Variants in ITGB4 observed in about 807,000 individuals in gnomAD.
ITGB4 encodes the protein integrin subunit beta 4, also known as integrin beta-4.
ITGB4 carries 159 observed loss-of-function variants against 207.6 expected under a neutral mutation model. That is an observed-to-expected ratio of 0.77 (90% CI 0.67 to 0.87). The LOEUF (loss-of-function observed/expected upper bound fraction) is 0.87. Among genes scored for constraint, ITGB4 ranks in the 40% least tolerant of loss-of-function variants. The pLI is 0.00. For synonymous variants in ITGB4, 1,020 were observed against 1,062.7 expected, an observed-to-expected ratio of 0.96 and a Z score of 0.78; for missense variants, 2,278 against 2,546.8, an observed-to-expected ratio of 0.89 and a Z score of 2.27.
At position 75,743,634 on chromosome 17, in the gene ITGB4, T is replaced by C. The variant is rs189848011; in HGVS notation, c.2963-79T>C. 9,817 of 1,598,320 alleles carry C rather than the reference T, an allele frequency of 6.1e-3. 46 individuals are homozygous for C. The highest frequency in any genetic ancestry group is 7.5e-3 in the Non-Finnish European group (8,702 of 1,166,786). ...CGGACTCCTGGATTCTGGGCTGGGC[T>C]GGGCAGGGTCACAGGAGAGCAGGAG... is the stretch of plus-strand genomic sequence containing the variant. On this transcript the variant is annotated intron_variant, in intron 25 of 39. Transcript: ENST00000200181.
chr17:75,753,766 C>T lies in ITGB4; in HGVS notation c.4110C>T (p.Gly1370=). 1 of 1,441,590 alleles carries T rather than the reference C, an allele frequency of 6.9e-7. No homozygotes were observed. The highest frequency in any genetic ancestry group is 2.8e-5 in the East Asian group (1 of 36,322). The allele number at this position is 1,441,590 out of a possible 1,614,324, so 89.3% of individuals were successfully genotyped here. A position where few individuals can be genotyped will look rare whatever the true frequency, so the allele number is the denominator to read the frequency against. ...ACGCGGCCCTTCGTTGTTCCCAAGG[C>T]TGCGGCTGGAAGTTCGAGCCCCTGC... ...SQRPSVSDDT[G]CGWKFEPLLG... is the part of the protein sequence containing the mutation. Residue 1370 remains glycine (G), a splice_region_variant and synonymous_variant, in exon 33 of 40, where the codon GGC becomes GGT. Coordinates refer to ENST00000200181, the MANE Select transcript of ITGB4 (RefSeq NM_000213.5).
intron 27 of ITGB4, among the ~76,000 whole-genome samples, chr17:75,749,819 G>A (rs180840626): frequency 1.6e-4 from 24 of 152,266 alleles, no homozygotes; most frequent in Middle Eastern, 3.4e-3. Context: ...GAGATGGGGT[G>A]GGGAGCAAAT....
At chr17:75,748,691 A>T (rs2061290684) in intron 26 of ITGB4, 150 bp from the exon 27 acceptor site, 1 of 633,384 alleles carries the variant, frequency 1.6e-6, no homozygotes, top group Non-Finnish European at 2.7e-6. Flanking sequence ...CAAACAAAAA[A>T]AACACAAAAA....
chr17:75,730,967 G>A lies in ITGB4; in HGVS notation c.1092+3G>A, dbSNP rs2060843484. The A allele has an allele frequency of 6.2e-7, 1 of 1,612,528 alleles. No homozygotes were observed. The highest frequency in any genetic ancestry group is 1.7e-5 in the Admixed American group (1 of 59,996). ...AGCTGCTGGAGGAGGCCTTCAATGT[G>A]AGGGCAGCTCAGGCTCCAGAGTCTG... On this transcript the variant is annotated splice_donor_region_variant and intron_variant, in intron 9 of 39. Transcript: ENST00000200181.
Position 75,754,735 on chromosome 17 carries a change from A to G in ITGB4, c.4478A>G (p.Asn1493Ser), listed in dbSNP as rs776607659. The G allele has an allele frequency of 1.9e-6, 3 of 1,613,704 alleles. No homozygotes were observed. The Admixed American group carries it at 5.0e-5, about 27-fold the overall frequency. Reference sequence around the variant, plus strand: ...TCCTCCACCCTCACACGGGACTACAACTCACTGACCCGCTCAGAACACTCA... The same window carrying G: ...TCCTCCACCCTCACACGGGACTACAGCTCACTGACCCGCTCAGAACACTCA... ...STSSTLTRDY[N>S]SLTRSEHSHS... The change falls in exon 34 of 40, where the codon AAC (asparagine) becomes AGC (serine). Residue 1493 changes from asparagine (N) to serine (S), a missense_variant. Coordinates refer to ENST00000200181, the MANE Select transcript of ITGB4 (RefSeq NM_000213.5).
intron 33 of ITGB4, 173 bp from the exon 34 acceptor site, chr17:75,754,403 G>C: frequency 1.4e-6 from 1 of 737,308 alleles, no homozygotes; most frequent in Non-Finnish European, 2.2e-6. Context: ...GGTGGCCCTT[G>C]GGCTCCTGCA....
Position 75,755,157 on chromosome 17 carries a change from G to A in ITGB4, c.4558+342G>A, listed in dbSNP as rs767075108. On this transcript the variant is annotated intron_variant, in intron 34 of 39. Coordinates refer to ENST00000200181, the MANE Select transcript of ITGB4 (RefSeq NM_000213.5). ...ATGAAAGGGTTCCCCCCTTCCAGGG[G>A]CCCACGAGACTCTATAATCCTGGCT... is the stretch of plus-strand genomic sequence containing the variant. 1.7e-5 allele frequency: 28 copies of A among 1,611,534 alleles called. No homozygotes were observed. In the East Asian group the frequency reaches 5.4e-4, roughly 31 times the overall value.
At position 75,742,523 on chromosome 17, in the gene ITGB4, C is replaced by T; in HGVS notation, c.2782+34C>T. 1 of 1,613,310 alleles carries T rather than the reference C, an allele frequency of 6.2e-7. No homozygotes were observed. The highest frequency in any genetic ancestry group is 1.3e-5 in the African/African-American group (1 of 75,064). The stretch of plus-strand genomic sequence containing the variant: ...GCGGGTCCGCTGTGCCACTGCCTCG[C>T]ACCTCCCGCCTGTGTGGCCCTGTGA... On this transcript the variant is annotated intron_variant, in intron 24 of 39. Coordinates refer to ENST00000200181, the MANE Select transcript of ITGB4 (RefSeq NM_000213.5). This position sits in a 1 kb window ranked among gnomAD's most constrained non-coding sequence, Gnocchi z 5.9.
rs1295414228 is a variant in ITGB4, at chr17:75,748,997, G to A, written c.3268G>A (p.Ala1090Thr). The A allele has an allele frequency of 1.9e-6, 3 of 1,612,910 alleles. No individual in the cohort carries two copies. The highest frequency in any genetic ancestry group is 1.3e-5 in the African/African-American group (1 of 75,044). Residue 1090 changes from alanine (A) to threonine (T), a missense_variant, in exon 27 of 40, where the codon GCC (alanine) becomes ACC (threonine). Transcript: ENST00000200181. ...HVQLSNPKFG[A>T]HLGQPHSTTI... ...CCAGCTCAGCAACCCTAAGTTTGGGGCCCACCTGGGCCAGCCCCACTCCAC... is the reference window on the plus strand; with the variant it reads ...CCAGCTCAGCAACCCTAAGTTTGGGACCCACCTGGGCCAGCCCCACTCCAC...
rs1438435611 is a variant in ITGB4 at position 75,741,008 on chromosome 17, G to A, written c.2633+3G>A. The A allele has an allele frequency of 1.2e-6, 2 of 1,613,362 alleles. No homozygotes were observed. Among genetic ancestry groups the A allele is most frequent in the East Asian group, 2.2e-5 (1 of 44,870 alleles). ...CAGCAGCCCAATGCCGGGAAAAAGT[G>A]AGTAGAAGACTCGTGGGTGAGAGGG... On this transcript the variant is annotated splice_donor_region_variant and intron_variant, in intron 23 of 39. Coordinates refer to ENST00000200181, the MANE Select transcript of ITGB4 (RefSeq NM_000213.5).
At chr17:75,741,787 C>T (rs2061116107) in intron 23 of ITGB4, among the ~76,000 whole-genome samples, 1 of 150,976 alleles carries the variant, frequency 6.6e-6, no homozygotes, top group Admixed American at 6.6e-5. Context: ...GCCTGGGCGA[C>T]TGAGTGAGAA....
chr17:75,747,219 C>T (rs1448406504), intron 26 of ITGB4, among the ~76,000 whole-genome samples: 3 of 152,152 alleles, frequency 2.0e-5, no homozygotes, highest in African/African-American at 4.8e-5. Flanking sequence ...TGGCTCACAC[C>T]TGTAATCCCA....
rs766405875 is a variant in ITGB4, at chr17:75,727,480, T to C, written c.239T>C (p.Met80Thr). 15 of 1,613,778 alleles carry C rather than the reference T, an allele frequency of 9.3e-6. No homozygotes were observed. The highest frequency in any genetic ancestry group is 1.7e-5 in the Admixed American group (1 of 60,000). ...TGCCAGCGGGAGAGCATCGTGGTCATGGAGAGCAGCTTCCAAATCACAGAG... is the reference window on the plus strand; with the variant it reads ...TGCCAGCGGGAGAGCATCGTGGTCACGGAGAGCAGCTTCCAAATCACAGAG... Reference protein sequence around the residue: ...AGCQRESIVVMESSFQITEET... With the variant: ...AGCQRESIVVTESSFQITEET... Residue 80 changes from methionine to threonine, a missense_variant, in exon 4 of 40, where the codon ATG becomes ACG. Transcript: ENST00000200181. This position sits in a 1 kb window ranked among gnomAD's most constrained non-coding sequence, Gnocchi z 6.0.
Position 75,729,292 on chromosome 17 carries a change from C to T in ITGB4, c.594C>T (p.Asp198=), listed in dbSNP as rs1568346095. ...TGAAGGAGCCCTGGCCCAACAGTGA[C>T]CCCCCCTTCTCCTTCAAGAACGTCA... is the stretch of plus-strand genomic sequence containing the variant. The part of the protein sequence containing the change: ...EKLKEPWPNS[D]PPFSFKNVIS... Residue 198 remains aspartate (D), a synonymous_variant, in exon 7 of 40, where the codon GAC becomes GAT. Transcript: ENST00000200181. This position sits in a 1 kb window ranked among gnomAD's most constrained non-coding sequence, Gnocchi z 4.4. The T allele has an allele frequency of 6.2e-7, 1 of 1,613,708 alleles. No homozygotes were observed. Among genetic ancestry groups the T allele is most frequent in the African/African-American group, 1.3e-5 (1 of 74,990 alleles).
At chr17:75,754,424 G>A (rs1381993377) in intron 33 of ITGB4, 152 bp from the exon 34 acceptor site, 4 of 890,046 alleles carry the variant, frequency 4.5e-6, no homozygotes, top group Non-Finnish European at 7.1e-6. Flanking sequence ...GGGACAGAGG[G>A]CCTCTGTCCC....
Position 75,731,046 on chromosome 17 carries a change from A to G in ITGB4, c.1092+82A>G. The G allele has an allele frequency of 2.1e-6, 3 of 1,450,502 alleles. No homozygotes were observed. Among genetic ancestry groups the G allele is most frequent in the African/African-American group, 1.4e-5 (1 of 71,574 alleles). The allele number at this position is 1,450,502 out of a possible 1,614,324, so 89.9% of individuals were successfully genotyped here. On this transcript the variant is annotated intron_variant, in intron 9 of 39. Transcript: ENST00000200181. This position sits in a 1 kb window ranked among gnomAD's most constrained non-coding sequence, Gnocchi z 6.8. ...GCAGGGTGGGCAAGAGGTGTCTTGG[A>G]TCACGGTGGAGAAATGGGTCTGGGA...
In ITGB4 at chr17:75,723,896, A is replaced by C. The variant is rs796139473; in HGVS notation, c.-10-798A>C. On this transcript the variant is annotated intron_variant, in intron 1 of 39. Coordinates refer to ENST00000200181, the MANE Select transcript of ITGB4 (RefSeq NM_000213.5). Reference sequence around the variant, plus strand: ...CCAGGCTTCAGGCTGAGCATCTCTTAGAGGGCCTCAGGGATGTCCAGTCCT... The same window carrying C: ...CCAGGCTTCAGGCTGAGCATCTCTTCGAGGGCCTCAGGGATGTCCAGTCCT... 6.6e-5 allele frequency among the ~76,000 whole-genome samples: 10 copies of C among 152,354 alleles called. 1 individual carries two copies. Among genetic ancestry groups the C allele is most frequent in the African/African-American group, 2.4e-4 (10 of 41,588 alleles).
At position 75,750,161 on chromosome 17, in the gene ITGB4, C is replaced by A. The variant is rs1202217351; in HGVS notation, c.3367C>A (p.Pro1123Thr). ...TSQMLSSQPP[P>T]HGDLGAPQNP... ...TCAGATGTTGTCATCACAGCCACCC[C>A]CTCACGGCGACCTGGGCGCCCCGCA... The change falls in exon 28 of 40, where the codon CCT becomes ACT. Residue 1123 changes from proline to threonine, a missense_variant. Coordinates refer to ENST00000200181, the MANE Select transcript of ITGB4 (RefSeq NM_000213.5). The surrounding 1 kb of genome is among the most constrained non-coding windows in gnomAD (Gnocchi z 5.5). The A allele has an allele frequency of 1.2e-6, 2 of 1,613,736 alleles. No individual in the cohort carries two copies. Among genetic ancestry groups the A allele is most frequent in the Non-Finnish European group, 8.5e-7 (1 of 1,180,038 alleles).
At chr17:75,749,097 GGTC>G (rs2061305354) in intron 27 of ITGB4, 52 bp downstream of exon 27, 1 of 1,468,284 alleles carries the variant, frequency 6.8e-7, no homozygotes, top group South Asian at 1.2e-5. Context: ...AAGACTGGGG[GGTC>G]TCTCAACTAG....
Sources: allele counts gnomAD v4.1 joint callset (sites outside exome capture counted in the v4.1 genomes callset), GRCh38; gene constraint gnomAD v4.1.1; non-coding constraint Gnocchi (gnomAD v3.1); transcripts MANE v1.5; gene names NCBI Gene and HGNC (gene_info 2026-07-23, HGNC 2026-07-21).